NEGR1: variants seen among roughly 807,000 people sequenced by gnomAD.
NEGR1 encodes neuronal growth regulator 1.
Under a neutral mutation model 40.9 loss-of-function variants are expected in NEGR1, and 10 were observed. That is an observed-to-expected ratio of 0.24 (90% confidence interval 0.15 to 0.42). NEGR1 has a LOEUF of 0.42. Among genes scored for constraint, NEGR1 ranks in the 10% least tolerant of loss-of-function variants. The pLI is 1.00. For synonymous variants in NEGR1, 185 were observed against 166.8 expected (o/e 1.11, Z -0.84); for missense variants, 352 against 438.9 (o/e 0.80, Z 1.77).
intron 5 of NEGR1, among the ~76,000 whole-genome samples, chr1:71,607,879 G>A (rs1276668636): frequency 6.6e-6 from 1 of 152,076 alleles, no homozygotes; most frequent in African/African-American, 2.4e-5. Flanking sequence ...AGTAGAGATG[G>A]GGTTTCACCA....
chr1:71,570,644 CTTATTATTA>C (rs150984543), intron 6 of NEGR1, among the ~76,000 whole-genome samples: 1 of 148,132 alleles, frequency 6.8e-6, no homozygotes, highest in African/African-American at 2.5e-5. Context: ...ATACTGGGTC[CTTATTATTA>C]TTATTATTAT....
intron 1 of NEGR1, among the ~76,000 whole-genome samples, chr1:72,173,232 T>C (rs976597371): frequency 8.0e-5 from 12 of 150,616 alleles, no homozygotes; most frequent in African/African-American, 2.9e-4. Flanking sequence ...GGTCTCAAAC[T>C]CCTGAGTTCA....
chr1:72,015,468 C>A (rs1300053788), intron 1 of NEGR1, among the ~76,000 whole-genome samples: 1 of 151,968 alleles, frequency 6.6e-6, no homozygotes, highest in Admixed American at 6.6e-5. Context: ...AAGTTATGTA[C>A]AACTTTCCTC....
At chr1:71,765,930 C>CT (rs11434092) in intron 3 of NEGR1, among the ~76,000 whole-genome samples, 11,054 of 152,074 alleles carry the variant, frequency 0.073, 506 homozygotes, top group East Asian at 0.13. Context: ...AATCCCAGCA[C>CT]TTTGGGAGGC....
chr1:71,953,267 T>C (rs927610828), intron 1 of NEGR1, among the ~76,000 whole-genome samples: 1 of 152,056 alleles, frequency 6.6e-6, no homozygotes, highest in East Asian at 1.9e-4. Flanking sequence ...TCATTGAGAA[T>C]ATTCGTAATT....
chr1:71,670,624 CCT>C (rs1652388785), intron 4 of NEGR1, among the ~76,000 whole-genome samples: 1 of 151,920 alleles, frequency 6.6e-6, no homozygotes, highest in Non-Finnish European at 1.5e-5. Context: ...CTCACTGCAA[CCT>C]CTGCCTTCCT....
intron 2 of NEGR1, among the ~76,000 whole-genome samples, chr1:71,829,009 A>G (rs891426794): frequency 6.6e-6 from 1 of 151,920 alleles, no homozygotes; most frequent in African/African-American, 2.4e-5. Context: ...TAACATCCAT[A>G]TAGTTTAACC....
intron 1 of NEGR1, among the ~76,000 whole-genome samples, chr1:72,141,254 T>C (rs1254858341): frequency 3.3e-5 from 5 of 151,984 alleles, no homozygotes; most frequent in African/African-American, 9.7e-5. Flanking sequence ...GGACCCATCC[T>C]GTGGAGATAT....
intron 1 of NEGR1, among the ~76,000 whole-genome samples, chr1:72,262,231 G>A (rs1655482098): frequency 6.6e-6 from 1 of 152,024 alleles, no homozygotes; most frequent in Non-Finnish European, 1.5e-5. Flanking sequence ...GGTTTGGAAA[G>A]TGAAGTGGAA....
At chr1:71,720,265 A>G (rs1371323121) in intron 3 of NEGR1, among the ~76,000 whole-genome samples, 1 of 152,218 alleles carries the variant, frequency 6.6e-6, no homozygotes, top group Non-Finnish European at 1.5e-5. Flanking sequence ...CAAGAATGAA[A>G]CAAATCGATT....
At chr1:72,189,918 G>C (rs963381180) in intron 1 of NEGR1, among the ~76,000 whole-genome samples, 6 of 151,520 alleles carry the variant, frequency 4.0e-5, no homozygotes, top group African/African-American at 1.2e-4. Flanking sequence ...TTGATCATTA[G>C]TGTCAAGTGG....
chr1:71,758,866 A>T (rs1557641412), intron 3 of NEGR1, among the ~76,000 whole-genome samples: 1 of 152,216 alleles, frequency 6.6e-6, no homozygotes, highest in South Asian at 2.1e-4. Flanking sequence ...AGTAGGTTTT[A>T]TCTGTGTATA....
chr1:71,848,978 T>C (rs1315935028), intron 2 of NEGR1, among the ~76,000 whole-genome samples: 1 of 151,834 alleles, frequency 6.6e-6, no homozygotes, highest in African/African-American at 2.4e-5. Flanking sequence ...TAATCCCAGC[T>C]ACGCAGGCGG....
At position 71,597,472 on chromosome 1, in the gene NEGR1, C is replaced by CTCTCTCTCTGTGTG. The variant is rs756076229; in HGVS notation, c.789-4505_789-4504insCACACAGAGAGAGA. On this transcript the variant is annotated intron_variant, in intron 5 of 6. Coordinates refer to ENST00000357731, the MANE Select transcript of NEGR1 (RefSeq NM_173808.3). ...TCTCTCTCTCTCTCTCTCTCTCTCT[C>CTCTCTCTCTGTGTG]TGTGTGTGTGTGTGTGTGTGTGTGT... 3.8e-4 allele frequency among the ~76,000 whole-genome samples: 12 copies of CTCTCTCTCTGTGTG among 31,332 alleles called. 1 individual carries two copies. The highest frequency in any genetic ancestry group is 9.0e-4 in the African/African-American group (9 of 9,948). The allele number at this position is 31,332 out of a possible 152,430, so 20.6% of individuals were successfully genotyped here.
chr1:72,200,888 A>G (rs1382404437), intron 1 of NEGR1, among the ~76,000 whole-genome samples: 1 of 151,894 alleles, frequency 6.6e-6, no homozygotes, highest in Non-Finnish European at 1.5e-5. Flanking sequence ...TGTATTTGCT[A>G]GATTATATAC....
chr1:72,180,691 C>A (rs1652334156), intron 1 of NEGR1, among the ~76,000 whole-genome samples: 1 of 151,904 alleles, frequency 6.6e-6, no homozygotes, highest in African/African-American at 2.4e-5. Context: ...GTAAATATGG[C>A]CAAAAGATAT....
At chr1:71,932,694 G>A (rs1197561791) in intron 2 of NEGR1, among the ~76,000 whole-genome samples, 2 of 152,036 alleles carry the variant, frequency 1.3e-5, no homozygotes, top group Non-Finnish European at 2.9e-5. Flanking sequence ...GATTAATACA[G>A]TCTTCCCTCA....
chr1:71,741,652 C>T (rs1655217270), intron 3 of NEGR1, among the ~76,000 whole-genome samples: 1 of 152,116 alleles, frequency 6.6e-6, no homozygotes, highest in South Asian at 2.1e-4. Flanking sequence ...TACATTAGAC[C>T]ATTCTTTCAT....
chr1:72,120,526 A>G (rs11209916), intron 1 of NEGR1, among the ~76,000 whole-genome samples: 62,724 of 150,898 alleles, frequency 0.42, 14,165 homozygotes, highest in Admixed American at 0.55. Flanking sequence ...TTTTTTTATC[A>G]TACTTTAAGT....
Sources: allele counts gnomAD v4.1 joint callset (sites outside exome capture counted in the v4.1 genomes callset), GRCh38; gene constraint gnomAD v4.1.1; transcripts MANE v1.5; gene names NCBI Gene and HGNC (gene_info 2026-07-23, HGNC 2026-07-21).